FKBP5: variants seen among roughly 807,000 people sequenced by gnomAD.
The protein encoded by FKBP5 is peptidyl-prolyl cis-trans isomerase FKBP5.
In FKBP5, 23 loss-of-function variants were observed where a neutral mutation model predicts 50.5. That is an observed-to-expected ratio of 0.46 (90% CI 0.33 to 0.65). The LOEUF (loss-of-function observed/expected upper bound fraction) is 0.65. Ranked by LOEUF, FKBP5 falls within the 30% of genes least tolerant of loss-of-function variation. FKBP5 has a pLI of 0.02. For missense variants in FKBP5, 411 were observed against 553.1 expected (o/e 0.74, Z 2.58); for synonymous variants, 176 against 190.6 (o/e 0.92, Z 0.63).
intron 3 of FKBP5, among the ~76,000 whole-genome samples, chr6:35,630,758 T>C (rs1392211334): frequency 6.6e-6 from 1 of 152,170 alleles, no homozygotes; most frequent in Non-Finnish European, 1.5e-5. Context: ...GTCTGTAATA[T>C]AGTAAACAAA....
chr6:35,596,907 T>C (rs905127392), intron 6 of FKBP5, among the ~76,000 whole-genome samples: 1 of 152,134 alleles, frequency 6.6e-6, no homozygotes, highest in African/African-American at 2.4e-5. Flanking sequence ...TCCTGCCTCC[T>C]GCCTAACTTA....
chr6:35,654,966 C>T (rs925950096), intron 1 of FKBP5, among the ~76,000 whole-genome samples: 1 of 151,976 alleles, frequency 6.6e-6, no homozygotes, highest in Non-Finnish European at 1.5e-5. Flanking sequence ...GTGGGAGGGT[C>T]GCTTGAGCCC....
At chr6:35,618,923 T>C (rs1385997849) in intron 5 of FKBP5, among the ~76,000 whole-genome samples, 173 bp downstream of exon 5, 4 of 152,148 alleles carry the variant, frequency 2.6e-5, no homozygotes, top group Non-Finnish European at 5.9e-5. Context: ...CTCAAACTCC[T>C]GAGCTCAGGC....
At chr6:35,590,534 C>T (rs907287741) in intron 7 of FKBP5, among the ~76,000 whole-genome samples, 133 of 152,240 alleles carry the variant, frequency 8.7e-4, no homozygotes, top group African/African-American at 2.7e-3. Flanking sequence ...AGGAGGCATG[C>T]TGTTTCTGGA....
intron 5 of FKBP5, among the ~76,000 whole-genome samples, chr6:35,601,426 G>C (rs574333478): frequency 1.3e-5 from 2 of 152,306 alleles, no homozygotes; most frequent in African/African-American, 4.8e-5. Context: ...AAAGTTCTAC[G>C]AGACTGCTGA....
At chr6:35,725,777 C>A (rs1004588611) in intron 1 of FKBP5, among the ~76,000 whole-genome samples, 1 of 152,116 alleles carries the variant, frequency 6.6e-6, no homozygotes, top group Non-Finnish European at 1.5e-5. Context: ...ATGAAACACA[C>A]GGTACATTCC....
chr6:35,709,588 T>C (rs1011764664), intron 2 of FKBP5, among the ~76,000 whole-genome samples: 1 of 152,346 alleles, frequency 6.6e-6, no homozygotes, highest in East Asian at 1.9e-4. Context: ...TTCTAAACCA[T>C]AACAATTTGA....
At chr6:35,691,681 T>C (rs1226353563), upstream of FKBP5, among the ~76,000 whole-genome samples, 2 of 152,200 alleles carry the variant, frequency 1.3e-5, no homozygotes, top group Non-Finnish European at 2.9e-5. Flanking sequence ...CTCTGATCAC[T>C]GCACTTGCCT....
At chr6:35,676,695 G>A (rs1416405290) in intron 1 of FKBP5, among the ~76,000 whole-genome samples, 2 of 151,980 alleles carry the variant, frequency 1.3e-5, no homozygotes, top group African/African-American at 4.8e-5. Context: ...AATTATCTAG[G>A]GCAATATAGT....
intron 1 of FKBP5, among the ~76,000 whole-genome samples, chr6:35,727,006 T>C (rs573912901): frequency 1.3e-5 from 2 of 152,284 alleles, no homozygotes; most frequent in East Asian, 1.9e-4. Flanking sequence ...CTGAGTGTGC[T>C]GGGCGTTCAG....
intron 1 of FKBP5, among the ~76,000 whole-genome samples, chr6:35,674,526 C>G (rs966233708): frequency 1.3e-5 from 2 of 152,200 alleles, no homozygotes; most frequent in Admixed American, 6.5e-5. Flanking sequence ...TCACTTCAAA[C>G]AAACCTAGAG....
intron 5 of FKBP5, among the ~76,000 whole-genome samples, chr6:35,602,443 TAC>T (rs1482978187): frequency 1.3e-5 from 2 of 152,080 alleles, no homozygotes; most frequent in Non-Finnish European, 2.9e-5. Context: ...ATGGCATTAC[TAC>T]TCGACAAGAC....
At chr6:35,642,288 T>C (rs534425440) in intron 2 of FKBP5, among the ~76,000 whole-genome samples, 1 of 152,204 alleles carries the variant, frequency 6.6e-6, no homozygotes, top group South Asian at 2.1e-4. Flanking sequence ...TCAACATCTA[T>C]AATCTGGGAT....
intron 3 of FKBP5, among the ~76,000 whole-genome samples, chr6:35,625,434 T>C (rs887940950): frequency 5.3e-5 from 8 of 151,748 alleles, no homozygotes; most frequent in African/African-American, 1.4e-4. Context: ...ATCTCAGTCA[T>C]AGGTAACATA....
intron 6 of FKBP5, among the ~76,000 whole-genome samples, chr6:35,596,109 C>T (rs1762975327): frequency 6.6e-6 from 1 of 152,048 alleles, no homozygotes; most frequent in Non-Finnish European, 1.5e-5. Context: ...AATCCCAGCA[C>T]TTTGGGAGGC....
chr6:35,611,708 T>G (rs907743213), intron 5 of FKBP5, among the ~76,000 whole-genome samples: 2 of 152,058 alleles, frequency 1.3e-5, no homozygotes, highest in African/African-American at 4.8e-5. Context: ...TGAATAAAAA[T>G]TACAAGATGG....
Position 35,660,264 on chromosome 6 carries a change from ATTTTTTTT to A in FKBP5, c.-19-17429_-19-17422del, listed in dbSNP as rs773891773. On this transcript the variant is annotated intron_variant, in intron 1 of 10. Coordinates refer to ENST00000357266, the MANE Select transcript of FKBP5 (RefSeq NM_004117.4). ...AAGTCACTTTAAATGCATTGATGCT[ATTTTTTTT>A]TTTTTTTTTTTTTGAGACGGAGTTT... 2.1e-4 allele frequency among the ~76,000 whole-genome samples: 10 copies of A among 46,714 alleles called. 4 individuals carry two copies. The highest frequency in any genetic ancestry group is 7.4e-4 in the African/African-American group (10 of 13,460). 30.6% of individuals were successfully genotyped at this position (46,714 alleles called of 152,430 possible).
chr6:35,630,505 C>A (rs1386877236), intron 3 of FKBP5, among the ~76,000 whole-genome samples: 1 of 152,126 alleles, frequency 6.6e-6, no homozygotes, highest in Non-Finnish European at 1.5e-5. Flanking sequence ...CGAGATCGTG[C>A]CACTGCACTC....
At chr6:35,665,944 C>A (rs1160805112) in intron 1 of FKBP5, among the ~76,000 whole-genome samples, 1 of 152,156 alleles carries the variant, frequency 6.6e-6, no homozygotes, top group Admixed American at 6.5e-5. Flanking sequence ...TTTTGCCCAA[C>A]TGTAGGCTAA....
Sources: allele counts gnomAD v4.1 joint callset (sites outside exome capture counted in the v4.1 genomes callset), GRCh38; gene constraint gnomAD v4.1.1; transcripts MANE v1.5; gene names NCBI Gene and HGNC (gene_info 2026-07-23, HGNC 2026-07-21).